The following ARID3A variants were observed in gnomAD, a reference collection of about 807,000 sequenced individuals.
ARID3A encodes AT-rich interaction domain 3A.
In ARID3A, 11 loss-of-function variants were observed where a neutral mutation model predicts 52.7. That is an observed-to-expected ratio of 0.21 (90% CI 0.13 to 0.35). The LOEUF (loss-of-function observed/expected upper bound fraction) is 0.35. ARID3A is among the 10% of genes least tolerant of loss of function. The pLI, the probability that ARID3A is intolerant of heterozygous loss-of-function variation, is 1.00. For missense variants in ARID3A, 721 were observed against 838.5 expected (o/e 0.86, Z 1.73); for synonymous variants, 404 against 359.4 (o/e 1.12, Z -1.40).
At chr19:937,854 C>T (rs2037469082) in intron 3 of ARID3A, among the ~76,000 whole-genome samples, 1 of 151,802 alleles carries the variant, frequency 6.6e-6, no homozygotes, top group Non-Finnish European at 1.5e-5. Flanking sequence ...CTACAGGCAC[C>T]TGCCACCACG....
chr19:931,463 A>C (rs1402598623), intron 2 of ARID3A, among the ~76,000 whole-genome samples: 4 of 151,458 alleles, frequency 2.6e-5, no homozygotes, highest in African/African-American at 9.7e-5. Flanking sequence ...AAAAAAAAAA[A>C]AAAACAACCA....
intron 7 of ARID3A, 61 bp from the exon 8 acceptor site, chr19:968,344 G>T (rs2038205572): frequency 6.8e-7 from 1 of 1,466,316 alleles, no homozygotes; most frequent in African/African-American, 1.4e-5. Context: ...GGGCAACAGA[G>T]CAAGACTCTG....
In ARID3A at chr19:952,468, G is replaced by A. The variant is rs868840993; in HGVS notation, c.694-7624G>A. On this transcript the variant is annotated intron_variant, in intron 3 of 8. Transcript: ENST00000263620. ...AAAAAAAAAAAAAAAAAAAAAAAAAGGAAAGAAAATTTCTCTTCTTCTGAC... is the reference window on the plus strand; with the variant it reads ...AAAAAAAAAAAAAAAAAAAAAAAAAAGAAAGAAAATTTCTCTTCTTCTGAC... 4.2e-3 allele frequency among the ~76,000 whole-genome samples: 324 copies of A among 77,526 alleles called. 3 individuals carry two copies. Among genetic ancestry groups the A allele is most frequent in the South Asian group, 0.012 (28 of 2,264 alleles). The allele number at this position is 77,526 out of a possible 152,430, so 50.9% of individuals were successfully genotyped here. A position where few individuals can be genotyped will look rare whatever the true frequency, so the allele number is the denominator to read the frequency against.
rs112289000 is a variant in ARID3A, at chr19:943,065, T to A, written c.693+10323T>A. ...GGGAGTTTCGCTTGAGCCCAGGAGC[T>A]TGAGACCAGCCTCAGCAACAGAGTG... On this transcript the variant is annotated intron_variant, in intron 3 of 8. Transcript: ENST00000263620. 1.1e-3 allele frequency among the ~76,000 whole-genome samples: 168 copies of A among 152,056 alleles called. 1 individual carries two copies. Among genetic ancestry groups the A allele is most frequent in the African/African-American group, 3.8e-3 (159 of 41,468 alleles).
rs941206875 is a variant in ARID3A, at chr19:938,512, C to CA, written c.693+5771dup. Among the ~76,000 whole-genome samples the CA allele has an allele frequency of 2.0e-5, 3 of 152,200 alleles. No homozygotes were observed. Among genetic ancestry groups the CA allele is most frequent in the African/African-American group, 7.2e-5 (3 of 41,442 alleles). On this transcript the variant is annotated intron_variant, in intron 3 of 8. Coordinates refer to ENST00000263620, the MANE Select transcript of ARID3A (RefSeq NM_005224.3). The surrounding 1 kb of genome is among the most constrained non-coding windows in gnomAD (Gnocchi z 4.0). ...AATTTGACCCCCGGGATGCACCTGC[C>CA]AGAGAGGACCCAGCGGTGTGTGGAT...
intron 3 of ARID3A, among the ~76,000 whole-genome samples, chr19:945,859 C>T (rs2037668037): frequency 6.6e-6 from 1 of 152,156 alleles, no homozygotes; most frequent in Non-Finnish European, 1.5e-5. Context: ...GTGATGGGAC[C>T]GCAGTCTCCC....
intron 3 of ARID3A, among the ~76,000 whole-genome samples, chr19:945,773 G>T (rs898593488): frequency 2.6e-5 from 4 of 152,188 alleles, no homozygotes; most frequent in African/African-American, 7.2e-5. Context: ...GGGCAGGCGT[G>T]TTCTGGCCCC....
intron 8 of ARID3A, among the ~76,000 whole-genome samples, chr19:971,441 G>A (rs568316560): frequency 1.4e-3 from 209 of 152,208 alleles, no homozygotes; most frequent in African/African-American, 4.8e-3. Context: ...GTGAAACTCC[G>A]TCTGTACTAA....
intron 7 of ARID3A, among the ~76,000 whole-genome samples, chr19:967,904 G>C (rs1395076916): frequency 6.6e-6 from 1 of 151,814 alleles, no homozygotes; most frequent in African/African-American, 2.4e-5. Context: ...AATTAGCCGG[G>C]TGTGCTGGTG....
rs763856062 is a variant in ARID3A, at chr19:965,071, A to G, written c.1189A>G (p.Ile397Val). 4.3e-6 allele frequency: 7 copies of G among 1,610,090 alleles called. No individual in the cohort carries two copies. Among genetic ancestry groups the G allele is most frequent in the Non-Finnish European group, 5.9e-6 (7 of 1,178,508 alleles). Reference protein sequence around the residue: ...NGSSITPAPKIKKEEDSAIPI... With the variant: ...NGSSITPAPKVKKEEDSAIPI... ...CAGCTCCATCACCCCCGCCCCTAAG[A>G]TCAAGAAAGGTAAGGGCCTGTATGG... The change falls in exon 6 of 9, where the codon ATC (isoleucine) becomes GTC (valine). Residue 397 changes from isoleucine to valine, a missense_variant. Transcript: ENST00000263620.
At position 973,862 on chromosome 19, in the gene ARID3A, G is replaced by T; in HGVS notation, c.*1797G>T. On this transcript the variant is annotated 3_prime_UTR_variant, in exon 9 of 9. Transcript: ENST00000263620. ...GGGGTTATTTTGGCTGGAGCTGCTG[G>T]AGCAGAAAGGCTGGGTCTGAAATGC... 1 of 231,232 alleles carries T rather than the reference G, an allele frequency of 4.3e-6. No individual in the cohort carries two copies. 14.3% of individuals were successfully genotyped at this position (231,232 alleles called of 1,614,324 possible).
rs551647513 is a variant in ARID3A, at chr19:944,251, G to A, written c.693+11509G>A. On this transcript the variant is annotated intron_variant, in intron 3 of 8. Transcript: ENST00000263620. This position sits in a 1 kb window ranked among gnomAD's most constrained non-coding sequence, Gnocchi z 5.9. ...TCCTGACGTCGGCAGCGCGGTGGAG[G>A]GCGGGCCTGTCTCGCCGTTATCTCC... Among the ~76,000 whole-genome samples the A allele has an allele frequency of 2.5e-4, 38 of 152,042 alleles. No individual in the cohort carries two copies. The highest frequency in any genetic ancestry group is 1.7e-3 in the Admixed American group (26 of 15,284).
Position 944,747 on chromosome 19 carries a change from T to G in ARID3A, c.693+12005T>G, listed in dbSNP as rs971723592. 1.3e-5 allele frequency among the ~76,000 whole-genome samples: 2 copies of G among 152,184 alleles called. No homozygotes were observed. The highest frequency in any genetic ancestry group is 2.9e-5 in the Non-Finnish European group (2 of 68,016). ...CTCCGGTGATCTTCCCGTGTCAGCC[T>G]CCTGAGTAGCTGGGACCACAGACAC... On this transcript the variant is annotated intron_variant, in intron 3 of 8. Coordinates refer to ENST00000263620, the MANE Select transcript of ARID3A (RefSeq NM_005224.3). The surrounding 1 kb of genome is among the most constrained non-coding windows in gnomAD (Gnocchi z 5.9).
rs2037569280 is a variant in ARID3A, at chr19:942,128, C to T, written c.693+9386C>T. The stretch of plus-strand genomic sequence containing the variant: ...GGAGCCAGCCTAGCCGATGATGGAG[C>T]CCCAGTGGCCACCGAGCTATGGACA... On this transcript the variant is annotated intron_variant, in intron 3 of 8. Transcript: ENST00000263620. The surrounding 1 kb of genome is among the most constrained non-coding windows in gnomAD (Gnocchi z 8.1). 6.6e-6 allele frequency among the ~76,000 whole-genome samples: 1 copy of T among 152,158 alleles called. No homozygotes were observed. The highest frequency in any genetic ancestry group is 6.5e-5 in the Admixed American group (1 of 15,282).
rs138858069 is a variant in ARID3A at position 959,678 on chromosome 19, G to A, written c.694-414G>A. Among the ~76,000 whole-genome samples the A allele has an allele frequency of 3.3e-3, 503 of 152,276 alleles. 3 individuals are homozygous for A. Among genetic ancestry groups the A allele is most frequent in the African/African-American group, 0.012 (489 of 41,562 alleles). On this transcript the variant is annotated intron_variant, in intron 3 of 8. Transcript: ENST00000263620. The surrounding 1 kb of genome is among the most constrained non-coding windows in gnomAD (Gnocchi z 5.0). ...GGAGTTAAGGATCGATTTGAGATGAGGTGGCCCTAAAACCAGCAGGCTGGT... is the reference window on the plus strand; with the variant it reads ...GGAGTTAAGGATCGATTTGAGATGAAGTGGCCCTAAAACCAGCAGGCTGGT...
chr19:937,262 T>G (rs1367048895), intron 3 of ARID3A, among the ~76,000 whole-genome samples: 1 of 152,110 alleles, frequency 6.6e-6, no homozygotes, highest in African/African-American at 2.4e-5. Context: ...AGACTCCATC[T>G]CAGAAAAACA....
In ARID3A at chr19:932,488, T is replaced by G. The variant is rs778366147; in HGVS notation, c.439T>G (p.Tyr147Asp). 1.3e-6 allele frequency: 2 copies of G among 1,568,526 alleles called. No homozygotes were observed. The highest frequency in any genetic ancestry group is 2.3e-5 in the East Asian group (1 of 42,978). ...GGATGAGGAGGAGGAGGAGGAGGAT[T>G]ACGAGGATGAGGAGGAGGAGGAGGA... ...GEDEEEEEED[Y>D]EDEEEEEDEE... is the part of the protein sequence containing the mutation. Residue 147 changes from tyrosine to aspartate, a missense_variant, in exon 3 of 9, where the codon TAC (tyrosine) becomes GAC (aspartate). Tyr to Asp is a radical substitution (Grantham distance 160). Coordinates refer to ENST00000263620, the MANE Select transcript of ARID3A (RefSeq NM_005224.3).
chr19:953,484 C>CG (rs2037848611), intron 3 of ARID3A, among the ~76,000 whole-genome samples: 2 of 152,198 alleles, frequency 1.3e-5, no homozygotes, highest in South Asian at 2.1e-4. Context: ...CACCCCCCCC[C>CG]GTGCAGAGCC....
At position 944,884 on chromosome 19, in the gene ARID3A, C is replaced by T. The variant is rs2037644562; in HGVS notation, c.693+12142C>T. 6.6e-6 allele frequency among the ~76,000 whole-genome samples: 1 copy of T among 152,228 alleles called. No individual in the cohort carries two copies. The highest frequency in any genetic ancestry group is 6.5e-5 in the Admixed American group (1 of 15,286). On this transcript the variant is annotated intron_variant, in intron 3 of 8. Transcript: ENST00000263620. This position sits in a 1 kb window ranked among gnomAD's most constrained non-coding sequence, Gnocchi z 5.9. ...GGAGCCGGGATGTCCCTGGGTCCTG[C>T]GGTCGCTCTCTGTCTCCATCTCTTC...
Sources: gnomAD v4.1 joint callset for allele counts (sites outside exome capture counted in the v4.1 genomes callset) on GRCh38, gnomAD v4.1.1 for gene constraint, Gnocchi (gnomAD v3.1) non-coding constraint, MANE v1.5 for transcripts, NCBI Gene and HGNC (gene_info 2026-07-23, HGNC 2026-07-21) for gene names.